Variants in URI1 observed in about 807,000 individuals in gnomAD.
URI1 encodes URI1 prefoldin like chaperone.
A neutral mutation model predicts 60.2 loss-of-function variants in URI1; 39 were observed. That is an observed-to-expected ratio of 0.65 (90% confidence interval 0.50 to 0.85). The LOEUF (loss-of-function observed/expected upper bound fraction) is 0.85. Among genes scored for constraint, URI1 ranks in the 40% least tolerant of loss-of-function variants. The pLI is 0.00. For synonymous variants in URI1, 251 were observed against 236.8 expected (o/e 1.06, Z -0.55); for missense variants, 691 against 665.9 (o/e 1.04, Z -0.42).
At chr19:29,996,476 GTT>G (rs1238305650) in intron 4 of URI1, among the ~76,000 whole-genome samples, 1 of 144,206 alleles carries the variant, frequency 6.9e-6, no homozygotes, top group African/African-American at 2.8e-5. Flanking sequence ...TTACAAGGGT[GTT>G]TTGTGTGTGT....
intron 1 of URI1, chr19:29,956,697 G>A: frequency 6.5e-7 from 1 of 1,545,846 alleles, no homozygotes; most frequent in Non-Finnish European, 8.9e-7. Flanking sequence ...TGGGGGAAGT[G>A]AGCATACACA....
At chr19:30,008,978 G>T in intron 7 of URI1, 27 bp from the exon 8 acceptor site, 2 of 1,523,358 alleles carry the variant, frequency 1.3e-6, no homozygotes, top group South Asian at 1.3e-5. Flanking sequence ...ATGTTTGTTT[G>T]ATCTTGTTAA....
chr19:29,956,782 G>A (rs1407385200), intron 1 of URI1: 8 of 1,599,166 alleles, frequency 5.0e-6, no homozygotes, highest in Non-Finnish European at 6.9e-6. Flanking sequence ...TAGTCCGAAC[G>A]GTAGCCAGTT....
At chr19:30,005,567 T>A in intron 5 of URI1, 84 bp from the exon 6 acceptor site, 1 of 1,529,914 alleles carries the variant, frequency 6.5e-7, no homozygotes, top group Non-Finnish European at 8.9e-7. Context: ...TCAGACATCT[T>A]AGGTTGAATA....
chr19:29,961,851 A>G (rs1181229925), intron 1 of URI1, among the ~76,000 whole-genome samples: 2 of 151,780 alleles, frequency 1.3e-5, no homozygotes, highest in Admixed American at 6.6e-5. Context: ...ACCCCTGGCT[A>G]ATTTTTTGTG....
At chr19:30,011,633 T>C (rs2056021395) in intron 9 of URI1, among the ~76,000 whole-genome samples, 1 of 151,318 alleles carries the variant, frequency 6.6e-6, no homozygotes, top group East Asian at 1.9e-4. Context: ...TTTTTTTTTT[T>C]CCTTTTTTTT....
intron 1 of URI1, among the ~76,000 whole-genome samples, chr19:29,924,574 G>A (rs78061521): frequency 0.16 from 24,051 of 152,156 alleles, 2,350 homozygotes; most frequent in East Asian, 0.33. Context: ...CAGGCCCTCC[G>A]TCTGTCTCCC....
intron 6 of URI1, 65 bp downstream of exon 6, chr19:30,005,773 G>A: frequency 7.0e-7 from 1 of 1,432,036 alleles, no homozygotes; most frequent in Non-Finnish European, 9.6e-7. Flanking sequence ...ATTTTCAGTG[G>A]GCTTTCTGTG....
chr19:29,936,634 A>G lies in URI1; in HGVS notation c.63+12880A>G, dbSNP rs567758998. 3.3e-5 allele frequency among the ~76,000 whole-genome samples: 5 copies of G among 152,156 alleles called. No individual in the cohort carries two copies. The East Asian group carries it at 9.7e-4, about 29-fold the overall frequency. On this transcript the variant is annotated intron_variant, in intron 1 of 10. Coordinates refer to the URI1 transcript ENST00000360605. The stretch of plus-strand genomic sequence containing the variant: ...CAAATTTGGGAAGTTTTCAGCCATT[A>G]TTTCTTCAAATTTCTTTTTCTGTCC...
intron 4 of URI1, among the ~76,000 whole-genome samples, chr19:29,994,453 A>C (rs939946801): frequency 6.6e-6 from 1 of 152,006 alleles, no homozygotes; most frequent in Admixed American, 6.6e-5. Context: ...ATCCCCTGGT[A>C]ACCACTATTC....
intron 8 of URI1, 93 bp downstream of exon 8, chr19:30,009,446 C>A: frequency 8.4e-7 from 1 of 1,193,714 alleles, no homozygotes; most frequent in Non-Finnish European, 1.2e-6. Context: ...CAATCATTAT[C>A]ATTGTGGATA....
At chr19:29,970,309 C>T (rs1278371493) in intron 1 of URI1, among the ~76,000 whole-genome samples, 1 of 151,588 alleles carries the variant, frequency 6.6e-6, no homozygotes, top group Non-Finnish European at 1.5e-5. Flanking sequence ...CCCCTAGTTT[C>T]TCTGTCTCTA....
intron 1 of URI1, among the ~76,000 whole-genome samples, chr19:29,946,756 A>G (rs1249287397): frequency 1.3e-5 from 2 of 152,266 alleles, no homozygotes; most frequent in African/African-American, 4.8e-5. Context: ...TATAACAGCT[A>G]TTCTTTCCAA....
intron 2 of URI1, 54 bp downstream of exon 2, chr19:29,971,281 T>TGA: frequency 6.4e-7 from 1 of 1,573,766 alleles, no homozygotes; most frequent in Non-Finnish European, 8.7e-7. Context: ...GGTAACCTAC[T>TGA]TGTGTTCAAA....
chr19:29,999,441 A>G (rs952836018), intron 4 of URI1, among the ~76,000 whole-genome samples: 49 of 152,264 alleles, frequency 3.2e-4, no homozygotes, highest in African/African-American at 1.2e-3. Context: ...TTTGCTAAAC[A>G]TAGAATTCTT....
At chr19:29,971,321 A>C (rs1398871067) in intron 2 of URI1, 94 bp downstream of exon 2, 1 of 1,216,554 alleles carries the variant, frequency 8.2e-7, no homozygotes, top group African/African-American at 1.5e-5. Flanking sequence ...GTGTGTGTGT[A>C]TGTATGACTA....
At chr19:29,983,605 A>G (rs1436579885) in intron 2 of URI1, among the ~76,000 whole-genome samples, 1 of 152,120 alleles carries the variant, frequency 6.6e-6, no homozygotes, top group Non-Finnish European at 1.5e-5. Flanking sequence ...TGTTATTTTT[A>G]AAAACTGACA....
chr19:29,936,560 C>T (rs79332726), intron 1 of URI1, among the ~76,000 whole-genome samples: 2,561 of 152,248 alleles, frequency 0.017, 79 homozygotes, highest in African/African-American at 0.046. Context: ...GAGTTTCTCG[C>T]GCTTGTAATT....
chr19:29,968,637 T>G (rs368245762), intron 1 of URI1, among the ~76,000 whole-genome samples: 3 of 146,614 alleles, frequency 2.0e-5, no homozygotes, highest in East Asian at 4.1e-4. Flanking sequence ...AGTGGCGCGA[T>G]CTCGGCTCAC....
Sources: gnomAD v4.1 joint callset for allele counts (sites outside exome capture counted in the v4.1 genomes callset) on GRCh38, gnomAD v4.1.1 for gene constraint, MANE v1.5 for transcripts, NCBI Gene and HGNC (gene_info 2026-07-23, HGNC 2026-07-21) for gene names.